The following SERPINB12 variants were observed in gnomAD, a reference collection of about 807,000 sequenced individuals.
The protein encoded by SERPINB12 is serpin family B member 12.
A neutral mutation model predicts 41.1 loss-of-function variants in SERPINB12; 57 were observed. That is an observed-to-expected ratio of 1.39 (90% CI 1.12 to 1.73). The LOEUF (loss-of-function observed/expected upper bound fraction) is 1.73. Ranked by LOEUF, SERPINB12 falls within the 40% of genes most tolerant of loss-of-function variation. The pLI, the probability that SERPINB12 is intolerant of heterozygous loss-of-function variation, is 0.00. For synonymous variants in SERPINB12, 180 were observed against 181.3 expected (o/e 0.99, Z 0.06); for missense variants, 536 against 501.9 (o/e 1.07, Z -0.65).
chr18:63,531,074 T>C, the SERPINB12 span, among the ~76,000 whole-genome samples: 1 of 152,170 alleles, frequency 6.6e-6, no homozygotes, highest in African/African-American at 2.4e-5. Flanking sequence ...CATTACAACA[T>C]TGTAGCCTGA....
Position 63,569,072 on chromosome 18 carries a change from G to A in SERPINB12, c.*2061G>A, listed in dbSNP as rs539643733. On this transcript the variant is annotated 3_prime_UTR_variant, in exon 8 of 8. Transcript: ENST00000382768. ...TGCCCGACACGTAGCTGGAAACCAT[G>A]ACCTATATATAGGCCTGCACTGCCC... Among the ~76,000 whole-genome samples the A allele has an allele frequency of 6.6e-6, 1 of 152,078 alleles. No homozygotes were observed. The highest frequency in any genetic ancestry group is 1.5e-5 in the Non-Finnish European group (1 of 68,024).
chr18:63,545,857 GT>G, intron 1 of SERPINB12, among the ~76,000 whole-genome samples: 1 of 151,982 alleles, frequency 6.6e-6, no homozygotes, highest in South Asian at 2.1e-4. Flanking sequence ...GACTAGACTG[GT>G]TTTTAGAATT....
intron 1 of SERPINB12, among the ~76,000 whole-genome samples, chr18:63,546,917 C>T (rs1251013457): frequency 1.3e-5 from 2 of 152,152 alleles, no homozygotes; most frequent in African/African-American, 2.4e-5. Flanking sequence ...GCTTACCTGA[C>T]CAGCTGTTAG....
chr18:63,553,006 T>G (rs771108427), intron 1 of SERPINB12, among the ~76,000 whole-genome samples: 6 of 152,192 alleles, frequency 3.9e-5, no homozygotes, highest in Non-Finnish European at 7.3e-5. Context: ...TCTGTTACTA[T>G]TGTTCTCTCA....
the SERPINB12 span, among the ~76,000 whole-genome samples, chr18:63,535,039 TC>T: frequency 6.6e-6 from 1 of 152,164 alleles, no homozygotes; most frequent in African/African-American, 2.4e-5. Context: ...CAAACTATGC[TC>T]AGTCAGAATA....
At chr18:63,528,270 A>G in the SERPINB12 span, among the ~76,000 whole-genome samples, 7 of 152,138 alleles carry the variant, frequency 4.6e-5, no homozygotes, top group African/African-American at 1.4e-4. Flanking sequence ...TAATTTGTCC[A>G]TTGATTAAAA....
At chr18:63,530,126 C>T in the SERPINB12 span, among the ~76,000 whole-genome samples, 1 of 152,088 alleles carries the variant, frequency 6.6e-6, no homozygotes, top group South Asian at 2.1e-4. Flanking sequence ...TCTGGGTGAC[C>T]TGGGTATGTA....
At chr18:63,544,297 C>G (rs1910335498) in intron 1 of SERPINB12, among the ~76,000 whole-genome samples, 1 of 152,126 alleles carries the variant, frequency 6.6e-6, no homozygotes, top group South Asian at 2.1e-4. Flanking sequence ...GGATGAAGTC[C>G]TCATTTACAG....
At chr18:63,519,129 G>A in the SERPINB12 span, among the ~76,000 whole-genome samples, 2 of 152,102 alleles carry the variant, frequency 1.3e-5, no homozygotes, top group African/African-American at 4.8e-5. Flanking sequence ...TGGTGAGTAG[G>A]AGCAAGCAAG....
chr18:63,544,731 GT>G (rs1169310307), intron 1 of SERPINB12, among the ~76,000 whole-genome samples: 2 of 151,974 alleles, frequency 1.3e-5, no homozygotes, highest in Admixed American at 6.6e-5. Flanking sequence ...ATGAGTTTGT[GT>G]TTTAGTCTTT....
chr18:63,566,713 G>T lies in SERPINB12; in HGVS notation c.980G>T (p.Ser327Ile), dbSNP rs909715911. The change falls in exon 8 of 8, where the codon AGC (serine) becomes ATC (isoleucine). Residue 327 changes from serine (S) to isoleucine (I), a missense_variant. Coordinates refer to ENST00000382768, the MANE Select transcript of SERPINB12 (RefSeq NM_001307928.2). The stretch of plus-strand genomic sequence containing the variant: ...TTCCCCCGGTTCACCCTGGAAGACA[G>T]CTATGATCTCAATTCCATTTTACAA... Reference protein sequence around the residue: ...LSFPRFTLEDSYDLNSILQDM... With the variant: ...LSFPRFTLEDIYDLNSILQDM... 13 of 1,614,196 alleles carry T rather than the reference G, an allele frequency of 8.1e-6. No individual in the cohort carries two copies. The highest frequency in any genetic ancestry group is 3.3e-4 in the Middle Eastern group (2 of 6,062).
chr18:63,561,149 A>T lies in SERPINB12; in HGVS notation c.509A>T (p.Asn170Ile). 1.2e-6 allele frequency: 2 copies of T among 1,613,770 alleles called. No individual in the cohort carries two copies. Among genetic ancestry groups the T allele is most frequent in the African/African-American group, 1.3e-5 (1 of 75,052 alleles). Residue 170 changes from asparagine to isoleucine, a missense_variant, in exon 5 of 8, where the codon AAC (asparagine) becomes ATC (isoleucine). Physicochemically the swap from Asn to Ile is moderately radical, Grantham distance 149 (BLOSUM62 -3). Transcript: ENST00000382768. ...TTIESVDFQK[N>I]PEKSRQEINF... The stretch of plus-strand genomic sequence containing the variant: ...ATTGAAAGTGTTGATTTCCAAAAAA[A>T]CCCTGAAAAATCCAGACAAGAGATT...
At chr18:63,524,799 G>C in the SERPINB12 span, among the ~76,000 whole-genome samples, 1 of 149,064 alleles carries the variant, frequency 6.7e-6, no homozygotes, top group Admixed American at 6.7e-5. Flanking sequence ...ACCCAGGCTG[G>C]AGTGCAGCGG....
intron 6 of SERPINB12, among the ~76,000 whole-genome samples, chr18:63,565,177 A>AC (rs1349179716): frequency 2.0e-5 from 3 of 152,094 alleles, no homozygotes; most frequent in African/African-American, 4.8e-5. Context: ...ACAGAGCAAG[A>AC]CCCTGTCTCA....
chr18:63,523,744 G>A, the SERPINB12 span, among the ~76,000 whole-genome samples: 1 of 152,122 alleles, frequency 6.6e-6, no homozygotes, highest in South Asian at 2.1e-4. Context: ...GGTCACAGCA[G>A]CAGATTAATA....
intron 3 of SERPINB12, among the ~76,000 whole-genome samples, chr18:63,559,048 T>TTC (rs1184135635): frequency 0.013 from 1,240 of 93,766 alleles, 9 homozygotes; most frequent in Middle Eastern, 0.051. Context: ...CTTTCTTTCT[T>TTC]TCTTTCTTTC....
At chr18:63,546,901 A>T (rs910518704) in intron 1 of SERPINB12, among the ~76,000 whole-genome samples, 2 of 152,170 alleles carry the variant, frequency 1.3e-5, no homozygotes, top group African/African-American at 2.4e-5. Context: ...CAGGGTGTGG[A>T]GGGAAGCTTA....
the SERPINB12 span, among the ~76,000 whole-genome samples, chr18:63,536,402 A>G: frequency 3.3e-5 from 5 of 152,236 alleles, no homozygotes; most frequent in Middle Eastern, 3.4e-3. Flanking sequence ...AGAAAGACAC[A>G]GAAAAAGAAA....
At chr18:63,552,016 C>G (rs1267479605) in intron 1 of SERPINB12, among the ~76,000 whole-genome samples, 2 of 152,168 alleles carry the variant, frequency 1.3e-5, no homozygotes, top group African/African-American at 4.8e-5. Flanking sequence ...TCAAATCATT[C>G]TCCCTCAACT....
Sources: gnomAD v4.1 joint callset for allele counts (sites outside exome capture counted in the v4.1 genomes callset) on GRCh38, gnomAD v4.1.1 for gene constraint, MANE v1.5 for transcripts, NCBI Gene and HGNC (gene_info 2026-07-23, HGNC 2026-07-21) for gene names.